Variants in POU6F2 observed in about 807,000 individuals in gnomAD.
The protein encoded by POU6F2 is POU class 6 homeobox 2.
A neutral mutation model predicts 71.3 loss-of-function variants in POU6F2; 31 were observed. The ratio of observed to expected loss-of-function variants is 0.43; its 90% CI spans 0.33 to 0.59. The LOEUF (loss-of-function observed/expected upper bound fraction) is 0.59, where lower values mean the gene tolerates loss of function less well. POU6F2 is among the 20% of genes least tolerant of loss of function. The probability of loss-of-function intolerance (pLI) is 0.04; values close to 1 mark genes in which losing one functional copy is unlikely to be tolerated. For synonymous variants in POU6F2, 347 were observed against 355.7 expected, an observed-to-expected ratio of 0.98 and a Z score of 0.27; for missense variants, 783 against 856.8, an observed-to-expected ratio of 0.91 and a Z score of 1.07.
chr7:39,217,309 C>G (rs1049814442), intron 4 of POU6F2, among the ~76,000 whole-genome samples: 2 of 151,096 alleles, frequency 1.3e-5, no homozygotes, highest in East Asian at 3.9e-4. Context: ...TTTTGTTGAT[C>G]GAAGGAGAAA....
intron 1 of POU6F2, among the ~76,000 whole-genome samples, chr7:38,978,390 C>A (rs1467591098): frequency 6.6e-6 from 1 of 152,096 alleles, no homozygotes; most frequent in Non-Finnish European, 1.5e-5. Context: ...AAAGAAAGTG[C>A]GAGAAGAGAA....
At chr7:39,134,203 T>C (rs1201290977) in intron 2 of POU6F2, among the ~76,000 whole-genome samples, 2 of 152,180 alleles carry the variant, frequency 1.3e-5, no homozygotes, top group Admixed American at 1.3e-4. Flanking sequence ...ATTTTTCTTA[T>C]GTTACAGTGG....
chr7:39,198,189 G>A (rs184732270), intron 2 of POU6F2, among the ~76,000 whole-genome samples: 38 of 152,260 alleles, frequency 2.5e-4, no homozygotes, highest in South Asian at 4.1e-4. Context: ...ATTATTGGAG[G>A]AAGACTGAGG....
intron 5 of POU6F2, among the ~76,000 whole-genome samples, chr7:39,371,845 G>C (rs1317824531): frequency 6.6e-6 from 1 of 152,200 alleles, no homozygotes; most frequent in Non-Finnish European, 1.5e-5. Flanking sequence ...TAAAGGACCA[G>C]ATTGTATGTA....
At chr7:39,338,882 A>C (rs1247467847) in intron 4 of POU6F2, among the ~76,000 whole-genome samples, 1 of 152,148 alleles carries the variant, frequency 6.6e-6, no homozygotes, top group Non-Finnish European at 1.5e-5. Context: ...ACAAGATCTT[A>C]AAAGATGATT....
chr7:39,185,743 A>G (rs1793519966), intron 2 of POU6F2, among the ~76,000 whole-genome samples: 1 of 151,704 alleles, frequency 6.6e-6, no homozygotes, highest in Non-Finnish European at 1.5e-5. Flanking sequence ...TTCAGTAAAT[A>G]TTTTTGGGAA....
At chr7:39,425,218 C>T (rs1220009183) in intron 6 of POU6F2, among the ~76,000 whole-genome samples, 1 of 151,734 alleles carries the variant, frequency 6.6e-6, no homozygotes, top group Non-Finnish European at 1.5e-5. Context: ...AATTGGAAAA[C>T]ACAGGCAAAC....
intron 1 of POU6F2, among the ~76,000 whole-genome samples, chr7:39,026,673 C>G (rs1343561820): frequency 2.6e-5 from 4 of 152,026 alleles, no homozygotes; most frequent in Admixed American, 1.3e-4. Flanking sequence ...ATGGGTGCAG[C>G]ACACCAGCAT....
chr7:39,361,680 A>G lies in POU6F2; in HGVS notation c.972+21665A>G, dbSNP rs973099211. Among the ~76,000 whole-genome samples, 3 of 152,368 alleles carry G rather than the reference A, an allele frequency of 2.0e-5. No homozygotes were observed. In the South Asian group the frequency reaches 6.2e-4, roughly 32 times the overall value. On this transcript the variant is annotated intron_variant, in intron 5 of 9. Transcript: ENST00000518318. ...ATCATCAAATGACAGTTCAAAAAAC[A>G]TTTTTAAGTTTATTATTTTTCTTTT...
chr7:39,330,782 T>C (rs1583529897), intron 4 of POU6F2, among the ~76,000 whole-genome samples: 1 of 152,224 alleles, frequency 6.6e-6, no homozygotes, highest in Non-Finnish European at 1.5e-5. Context: ...GTATTCATTA[T>C]TTCGTGCATT....
chr7:39,295,259 C>T (rs916943459), intron 4 of POU6F2, among the ~76,000 whole-genome samples: 5 of 151,802 alleles, frequency 3.3e-5, no homozygotes, highest in Non-Finnish European at 5.9e-5. Context: ...AAGCAACACA[C>T]GAAAATCAGT....
intron 1 of POU6F2, among the ~76,000 whole-genome samples, chr7:39,075,778 G>A (rs777639385): frequency 2.6e-5 from 4 of 152,212 alleles, no homozygotes; most frequent in South Asian, 2.1e-4. Context: ...CCCTTGGGGC[G>A]TGGTCTCTGT....
chr7:39,389,141 A>G (rs1787013407), intron 5 of POU6F2, among the ~76,000 whole-genome samples: 1 of 152,226 alleles, frequency 6.6e-6, no homozygotes, highest in African/African-American at 2.4e-5. Context: ...TTTCAGAAAT[A>G]TACAGCAAGC....
intron 2 of POU6F2, among the ~76,000 whole-genome samples, chr7:39,184,339 T>G (rs191091598): frequency 5.3e-5 from 8 of 152,346 alleles, no homozygotes; most frequent in Admixed American, 5.2e-4. Context: ...AGTAGTCCTT[T>G]TAAGCTTTTT....
At chr7:39,037,820 A>G (rs1584511840) in intron 1 of POU6F2, among the ~76,000 whole-genome samples, 1 of 151,982 alleles carries the variant, frequency 6.6e-6, no homozygotes, top group South Asian at 2.1e-4. Context: ...TAGCACTACC[A>G]TCAGTAGAGG....
chr7:38,995,507 G>T (rs979030), intron 1 of POU6F2, among the ~76,000 whole-genome samples: 151,663 of 152,232 alleles, frequency 1, 75,553 homozygotes, highest in East Asian at 1. Flanking sequence ...CCTTTGTGAT[G>T]AAAAAAAAGA....
intron 4 of POU6F2, among the ~76,000 whole-genome samples, chr7:39,280,684 T>C (rs1784547259): frequency 6.6e-6 from 1 of 152,340 alleles, no homozygotes; most frequent in Middle Eastern, 3.4e-3. Flanking sequence ...CACTCTATAA[T>C]TGAACAGCAT....
At chr7:39,361,745 G>C (rs1024366365) in intron 5 of POU6F2, among the ~76,000 whole-genome samples, 1 of 152,212 alleles carries the variant, frequency 6.6e-6, no homozygotes, top group African/African-American at 2.4e-5. Context: ...AACATTAAAA[G>C]ATGTGTTTCT....
chr7:39,431,847 T>C, intron 6 of POU6F2, among the ~76,000 whole-genome samples: 1 of 152,250 alleles, frequency 6.6e-6, no homozygotes, highest in East Asian at 1.9e-4. Context: ...CTTCCTGAGA[T>C]CTTACTACTG....
Sources: allele counts gnomAD v4.1 joint callset (sites outside exome capture counted in the v4.1 genomes callset), GRCh38; gene constraint gnomAD v4.1.1; transcripts MANE v1.5; gene names NCBI Gene and HGNC (gene_info 2026-07-23, HGNC 2026-07-21).